ACADM: variants seen among roughly 807,000 people sequenced by gnomAD.
ACADM encodes acyl-CoA dehydrogenase medium chain, also known as medium-chain specific acyl-CoA dehydrogenase, mitochondrial.
Under a neutral mutation model 58.9 loss-of-function variants are expected in ACADM, and 49 were observed. The observed-to-expected ratio is 0.83, with a 90% confidence interval of 0.66 to 1.06. The LOEUF (loss-of-function observed/expected upper bound fraction) is 1.06. Ranked by LOEUF, ACADM falls within the 50% of genes least tolerant of loss-of-function variation. The probability of loss-of-function intolerance (pLI) is 0.00; values close to 1 mark genes in which losing one functional copy is unlikely to be tolerated. For missense variants in ACADM, 496 were observed against 507.0 expected, an observed-to-expected ratio of 0.98 and a Z score of 0.21; for synonymous variants, 160 against 157.7, an observed-to-expected ratio of 1.01 and a Z score of -0.11.
At chr1:75,729,298 T>TC (rs1553122524) in intron 2 of ACADM, among the ~76,000 whole-genome samples, 26 of 146,004 alleles carry the variant, frequency 1.8e-4, no homozygotes, top group African/African-American at 5.5e-4. Flanking sequence ...CTTTTTTCTT[T>TC]TTTTTTTTTT....
At chr1:75,754,458 C>T (rs1372422379) in intron 10 of ACADM, among the ~76,000 whole-genome samples, 1 of 152,110 alleles carries the variant, frequency 6.6e-6, no homozygotes, top group Non-Finnish European at 1.5e-5. Context: ...GATCCACCCA[C>T]CTTGGCCTCC....
At chr1:75,727,572 G>T (rs1647075602) in intron 1 of ACADM, among the ~76,000 whole-genome samples, 1 of 150,508 alleles carries the variant, frequency 6.6e-6, no homozygotes, top group South Asian at 2.2e-4. Context: ...AAAATGGGTT[G>T]CAAAACAATA....
chr1:75,744,090 T>C, intron 7 of ACADM: 1 of 1,588,594 alleles, frequency 6.3e-7, no homozygotes, highest in Middle Eastern at 1.7e-4. Flanking sequence ...CACTGCCGCA[T>C]CCTGTTCATT....
chr1:75,733,334 A>C, intron 4 of ACADM, 194 bp from the exon 5 acceptor site: 1 of 1,086,390 alleles, frequency 9.2e-7, no homozygotes, highest in Non-Finnish European at 1.3e-6. Context: ...TAGTAAAATA[A>C]TTTTTTGAAA....
chr1:75,760,544 C>CAAAAAAAAAAAAAAAAAAAAAAAAAAAAA lies in ACADM; in HGVS notation c.946-570_946-542dup, dbSNP rs59063908. Among the ~76,000 whole-genome samples the CAAAAAAAAAAAAAAAAAAAAAAAAAAAAA allele has an allele frequency of 1.7e-4, 6 of 35,490 alleles. 1 individual carries two copies. Among genetic ancestry groups the CAAAAAAAAAAAAAAAAAAAAAAAAAAAAA allele is most frequent in the Non-Finnish European group, 3.7e-4 (6 of 16,388 alleles). 23.3% of individuals were successfully genotyped at this position (35,490 alleles called of 152,430 possible). A position where few individuals can be genotyped will look rare whatever the true frequency, so the allele number is the denominator to read the frequency against. ...TGGAAAACAAAGTGAGACCCTGTCT[C>CAAAAAAAAAAAAAAAAAAAAAAAAAAAAA]AAAAAAAAAAAAAAAAAAAAAAAAA... On this transcript the variant is annotated intron_variant, in intron 10 of 11. Coordinates refer to ENST00000370841, the MANE Select transcript of ACADM (RefSeq NM_000016.6).
In ACADM at chr1:75,732,933, T is replaced by C. The variant is rs763858826; in HGVS notation, c.286+11T>C. 1 of 1,613,670 alleles carries C rather than the reference T, an allele frequency of 6.2e-7. No individual in the cohort carries two copies. The highest frequency in any genetic ancestry group is 8.5e-7 in the Non-Finnish European group (1 of 1,179,678). On this transcript the variant is annotated intron_variant, in intron 4 of 11. Transcript: ENST00000370841. ...TTCCAGAGAACTGTGGTAAGCTTTCTTTATATTTTTAATACTGGAATGCAT... is the reference window on the plus strand; with the variant it reads ...TTCCAGAGAACTGTGGTAAGCTTTCCTTATATTTTTAATACTGGAATGCAT...
At chr1:75,743,105 G>T (rs1260038366) in intron 7 of ACADM, among the ~76,000 whole-genome samples, 6 of 152,182 alleles carry the variant, frequency 3.9e-5, no homozygotes, top group Non-Finnish European at 8.8e-5. Flanking sequence ...CAGCACTAGG[G>T]AGAAGCAAAA....
intron 10 of ACADM, among the ~76,000 whole-genome samples, chr1:75,757,902 T>C (rs1273246096): frequency 1.3e-5 from 2 of 152,186 alleles, no homozygotes; most frequent in African/African-American, 4.8e-5. Flanking sequence ...TTCCCCTAGT[T>C]GCAAGTCCTG....
chr1:75,734,467 G>A (rs749369521), intron 5 of ACADM, among the ~76,000 whole-genome samples: 50 of 151,696 alleles, frequency 3.3e-4, no homozygotes, highest in Admixed American at 1.2e-3. Flanking sequence ...GAGCCACTGC[G>A]CCCGGCCTAA....
rs749968241 is a variant in ACADM at position 75,749,557 on chromosome 1, G to T, written c.847G>T (p.Val283Leu). 2 of 1,613,444 alleles carry T rather than the reference G, an allele frequency of 1.2e-6. No individual in the cohort carries two copies. Among genetic ancestry groups the T allele is most frequent in the East Asian group, 4.5e-5 (2 of 44,872 alleles). The change falls in exon 9 of 12, where the codon GTA becomes TTA. Residue 283 changes from valine (V) to leucine (L), a missense_variant and splice_region_variant. Physicochemically the swap from Val to Leu is conservative, Grantham distance 32. Coordinates refer to ENST00000370841, the MANE Select transcript of ACADM (RefSeq NM_000016.6). ...GGGAGCTTTTGATAAAACCAGACCTGTAGTAAGTAATATGGGTTCATAATC... is the reference window on the plus strand; with the variant it reads ...GGGAGCTTTTGATAAAACCAGACCTTTAGTAAGTAATATGGGTTCATAATC... ...AMGAFDKTRP[V>L]VAAGAVGLAQ... is the part of the protein sequence containing the mutation.
chr1:75,744,326 C>T, intron 7 of ACADM: 1 of 1,612,896 alleles, frequency 6.2e-7, no homozygotes, highest in South Asian at 1.1e-5. Context: ...TTGGCCTTAG[C>T]AGGAGCAGCA....
At position 75,749,506 on chromosome 1, in the gene ACADM, G is replaced by T; in HGVS notation, c.796G>T (p.Asp266Tyr). Residue 266 changes from aspartate (D) to tyrosine (Y), a missense_variant, in exon 9 of 12, where the codon GAC becomes TAC. Asp to Tyr is a radical substitution (Grantham distance 160). Coordinates refer to ENST00000370841, the MANE Select transcript of ACADM (RefSeq NM_000016.6). The stretch of plus-strand genomic sequence containing the variant: ...GCCTAAAGAAAATGTTTTAATTGGT[G>T]ACGGAGCTGGTTTCAAAGTTGCAAT... ...KVPKENVLIG[D>Y]GAGFKVAMGA... The T allele has an allele frequency of 1.2e-6, 2 of 1,614,082 alleles. No homozygotes were observed. Among genetic ancestry groups the T allele is most frequent in the Admixed American group, 3.3e-5 (2 of 60,024 alleles).
chr1:75,725,264 C>T (rs994905023), intron 1 of ACADM, among the ~76,000 whole-genome samples: 1 of 63,832 alleles, frequency 1.6e-5, no homozygotes, highest in Non-Finnish European at 3.3e-5. Context: ...AAAAAAAAAA[C>T]CTGCAGAATT....
In ACADM at chr1:75,740,235, G is replaced by GGA; in HGVS notation, c.599+128_599+129dup. 3.1e-6 allele frequency: 3 copies of GGA among 955,732 alleles called. No individual in the cohort carries two copies. The South Asian group carries it at 4.2e-5, about 13-fold the overall frequency. The allele number at this position is 955,732 out of a possible 1,614,324, so 59.2% of individuals were successfully genotyped here. A position where few individuals can be genotyped will look rare whatever the true frequency, so the allele number is the denominator to read the frequency against. ...TGTTTGTGGAACTGGAAGGCCTAAA[G>GGA]GAGATTATAAACAGTTCAGTGATTT... On this transcript the variant is annotated intron_variant, in intron 7 of 11. Coordinates refer to ENST00000370841, the MANE Select transcript of ACADM (RefSeq NM_000016.6).
chr1:75,744,327 A>G, intron 7 of ACADM: 1 of 1,612,896 alleles, frequency 6.2e-7, no homozygotes. Context: ...TGGCCTTAGC[A>G]GGAGCAGCAC....
chr1:75,742,865 T>C (rs1647656374), intron 7 of ACADM, among the ~76,000 whole-genome samples: 1 of 152,138 alleles, frequency 6.6e-6, no homozygotes, highest in African/African-American at 2.4e-5. Flanking sequence ...AGAAGAGGCA[T>C]CTTGAAGTCA....
chr1:75,751,562 G>C (rs900357528), intron 10 of ACADM, among the ~76,000 whole-genome samples: 2 of 151,038 alleles, frequency 1.3e-5, no homozygotes, highest in Non-Finnish European at 2.9e-5. Context: ...ACAGTGGCAT[G>C]ATCTGGGCTC....
At chr1:75,743,289 G>T in intron 7 of ACADM, 1 of 975,194 alleles carries the variant, frequency 1.0e-6, no homozygotes, top group Non-Finnish European at 1.5e-6. Context: ...GTTACATAGT[G>T]CTCTGCTTCC....
Position 75,749,419 on chromosome 1 carries a change from G to C in ACADM, c.709G>C (p.Glu237Gln). Residue 237 changes from glutamate to glutamine, a missense_variant and splice_region_variant, in exon 9 of 12, where the codon GAA (glutamate) becomes CAA (glutamine). Transcript: ENST00000370841. ...TAAAATATATCAATTTTCTTATTAG[G>C]AATTAAACATGGGCCAGCGATGTTC... ...DTPGIQIGRK[E>Q]LNMGQRCSDT... is the part of the protein sequence containing the mutation. The C allele has an allele frequency of 1.2e-6, 2 of 1,613,570 alleles. No individual in the cohort carries two copies. The highest frequency in any genetic ancestry group is 1.7e-6 in the Non-Finnish European group (2 of 1,179,742).
Sources: allele counts gnomAD v4.1 joint callset (sites outside exome capture counted in the v4.1 genomes callset), GRCh38; gene constraint gnomAD v4.1.1; transcripts MANE v1.5; gene names NCBI Gene and HGNC (gene_info 2026-07-23, HGNC 2026-07-21).